The following MYO18B variants were observed in gnomAD, a reference collection of about 807,000 sequenced individuals.
MYO18B encodes the protein unconventional myosin-XVIIIb.
MYO18B carries 204 observed loss-of-function variants against 273.0 expected under a neutral mutation model. The observed-to-expected ratio is 0.75, with a 90% CI of 0.67 to 0.84. The LOEUF is 0.84. Among genes scored for constraint, MYO18B ranks in the 40% least tolerant of loss-of-function variants. The pLI is 0.00. For missense variants in MYO18B, 3,212 were observed against 3,287.6 expected (o/e 0.98, Z 0.56); for synonymous variants, 1,330 against 1,305.7 (o/e 1.02, Z -0.40).
chr22:25,821,516 G>A (rs771340387), intron 12 of MYO18B, among the ~76,000 whole-genome samples: 3 of 152,108 alleles, frequency 2.0e-5, no homozygotes, highest in South Asian at 2.1e-4. Context: ...GGGGGCTCAC[G>A]CCTGTAATCC....
At chr22:25,908,511 G>A (rs1163225717) in intron 32 of MYO18B, 79 bp downstream of exon 32, 2 of 1,196,302 alleles carry the variant, frequency 1.7e-6, no homozygotes, top group Non-Finnish European at 2.4e-6. Flanking sequence ...AGAGCGAGGA[G>A]TAGGACAGGG....
chr22:26,039,052 A>G, the MYO18B span, among the ~76,000 whole-genome samples: 3 of 152,210 alleles, frequency 2.0e-5, no homozygotes, highest in African/African-American at 4.8e-5. Context: ...GTAAAGAAGC[A>G]TCAAGCAAGG....
chr22:25,986,499 G>A (rs937099810), intron 39 of MYO18B, among the ~76,000 whole-genome samples: 2 of 152,098 alleles, frequency 1.3e-5, no homozygotes, highest in African/African-American at 4.8e-5. Context: ...GACTCTGAGG[G>A]TTTCAATAAA....
intron 26 of MYO18B, 68 bp from the exon 27 acceptor site, chr22:25,891,236 C>A: frequency 1.7e-6 from 2 of 1,205,396 alleles, no homozygotes; most frequent in Non-Finnish European, 2.4e-6. Flanking sequence ...GGAAGCACTT[C>A]ATGGGTAAGA....
chr22:25,804,205 C>T (rs1424335332), intron 12 of MYO18B, among the ~76,000 whole-genome samples: 1 of 152,136 alleles, frequency 6.6e-6, no homozygotes, highest in African/African-American at 2.4e-5. Flanking sequence ...TAACCTTATA[C>T]AGTCTCTCCA....
chr22:25,843,164 C>T (rs1432506745), intron 17 of MYO18B, among the ~76,000 whole-genome samples: 1 of 152,154 alleles, frequency 6.6e-6, no homozygotes, highest in Non-Finnish European at 1.5e-5. Context: ...CTCTAGCCCC[C>T]AAGATCAGGC....
intron 12 of MYO18B, among the ~76,000 whole-genome samples, chr22:25,805,384 C>A (rs5761222): frequency 0.066 from 10,012 of 152,232 alleles, 574 homozygotes; most frequent in East Asian, 0.21. Context: ...GACAAATGTT[C>A]CCTGTTTGGG....
chr22:25,772,551 G>T, intron 7 of MYO18B, 41 bp downstream of exon 7: 1 of 1,584,078 alleles, frequency 6.3e-7, no homozygotes. Context: ...GGGGCTGAGG[G>T]CAGGGGGGCC....
At chr22:25,994,516 TA>T (rs1276319116) in intron 40 of MYO18B, among the ~76,000 whole-genome samples, 1 of 134,120 alleles carries the variant, frequency 7.5e-6, no homozygotes, top group Non-Finnish European at 1.6e-5. Context: ...TGCCTGTAAA[TA>T]AAAGACTTTG....
At chr22:25,916,535 G>A (rs1162076072) in intron 33 of MYO18B, among the ~76,000 whole-genome samples, 1 of 151,966 alleles carries the variant, frequency 6.6e-6, no homozygotes, top group Non-Finnish European at 1.5e-5. Flanking sequence ...TGTATCTTTT[G>A]TTCTTTTTTT....
intron 12 of MYO18B, among the ~76,000 whole-genome samples, chr22:25,807,879 GAGGCTCAGTTTTCTGAGCCTCAC>G (rs1292328631): frequency 6.6e-6 from 1 of 152,034 alleles, no homozygotes; most frequent in African/African-American, 2.4e-5. Flanking sequence ...TCAGAAAACT[GAGGCTCAGTTTTCTGAGCCTCAC>G]AGGTCTGTTT....
At chr22:26,053,295 A>G in the MYO18B span, among the ~76,000 whole-genome samples, 1 of 152,216 alleles carries the variant, frequency 6.6e-6, no homozygotes, top group Non-Finnish European at 1.5e-5. Flanking sequence ...TACTTGTTAA[A>G]CACATTTCTG....
intron 39 of MYO18B, among the ~76,000 whole-genome samples, chr22:25,985,132 G>A (rs1190990606): frequency 6.6e-6 from 1 of 152,136 alleles, no homozygotes; most frequent in Admixed American, 6.5e-5. Context: ...TACTGGGGCT[G>A]GGTGGATCAC....
intron 25 of MYO18B, among the ~76,000 whole-genome samples, chr22:25,885,297 C>T (rs902158638): frequency 3.3e-5 from 5 of 152,190 alleles, no homozygotes; most frequent in African/African-American, 1.2e-4. Flanking sequence ...CTACATCACT[C>T]AGCTGGTGAA....
At chr22:26,041,534 A>C in the MYO18B span, among the ~76,000 whole-genome samples, 7 of 152,038 alleles carry the variant, frequency 4.6e-5, no homozygotes, top group Admixed American at 6.5e-5. Context: ...TCTATCTCAA[A>C]AATAATAATA....
At chr22:25,918,662 A>C (rs1440187168) in intron 33 of MYO18B, among the ~76,000 whole-genome samples, 1 of 152,212 alleles carries the variant, frequency 6.6e-6, no homozygotes, top group Admixed American at 6.5e-5. Context: ...AGATCGTAGA[A>C]TCTGAGCCAT....
rs1421044275 is a variant in MYO18B, at chr22:25,883,148, C to T, written c.4314+5100C>T. ...TCCTGGGCTCAAGCGATCCTCCTGC[C>T]TTGGCCTCCCAGAGTGCTGGCGTGA... On this transcript the variant is annotated intron_variant, in intron 25 of 43. Transcript: ENST00000335473. The surrounding 1 kb of genome is among the most constrained non-coding windows in gnomAD (Gnocchi z 7.6). Among the ~76,000 whole-genome samples, 2 of 152,152 alleles carry T rather than the reference C, an allele frequency of 1.3e-5. No individual in the cohort carries two copies. The highest frequency in any genetic ancestry group is 4.8e-5 in the African/African-American group (2 of 41,434).
rs1286379093 is a variant in MYO18B, at chr22:26,021,148, C to G, written c.6471-5297C>G. On this transcript the variant is annotated intron_variant, in intron 42 of 43. Coordinates refer to ENST00000335473, the MANE Select transcript of MYO18B (RefSeq NM_032608.7). ...AATAGACAGAGCTGGGATTTGAACTCAGGTCTCTCTGCATCTGAAGCTCTT... is the reference window on the plus strand; with the variant it reads ...AATAGACAGAGCTGGGATTTGAACTGAGGTCTCTCTGCATCTGAAGCTCTT... Among the ~76,000 whole-genome samples the G allele has an allele frequency of 2.0e-5, 3 of 152,308 alleles. No individual in the cohort carries two copies. The East Asian group carries it at 5.8e-4, about 29-fold the overall frequency.
At chr22:25,963,178 T>TCTCA (rs774304270) in intron 39 of MYO18B, among the ~76,000 whole-genome samples, 2,235 of 144,098 alleles carry the variant, frequency 0.016, 26 homozygotes, top group Middle Eastern at 0.021. Flanking sequence ...TCTCTCTCTC[T>TCTCA]CACACACACA....
Sources: allele counts gnomAD v4.1 joint callset (sites outside exome capture counted in the v4.1 genomes callset), GRCh38; gene constraint gnomAD v4.1.1; non-coding constraint Gnocchi (gnomAD v3.1); transcripts MANE v1.5; gene names NCBI Gene and HGNC (gene_info 2026-07-23, HGNC 2026-07-21).